SLC17A1: variants seen among roughly 807,000 people sequenced by gnomAD.
SLC17A1 encodes sodium-dependent phosphate transport protein 1.
A neutral mutation model predicts 53.5 loss-of-function variants in SLC17A1; 51 were observed. The ratio of observed to expected loss-of-function variants is 0.95; its 90% CI spans 0.76 to 1.20. The LOEUF (loss-of-function observed/expected upper bound fraction) is 1.20. Ranked by LOEUF, SLC17A1 falls within the 50% of genes most tolerant of loss-of-function variation. The pLI is 0.00. For missense variants in SLC17A1, 538 were observed against 568.2 expected, an observed-to-expected ratio of 0.95 and a Z score of 0.54; for synonymous variants, 179 against 198.8, an observed-to-expected ratio of 0.90 and a Z score of 0.84.
chr6:25,776,998 T>A, the SLC17A1 span: 22 of 1,569,168 alleles, frequency 1.4e-5, no homozygotes, highest in Non-Finnish European at 1.8e-5. Context: ...AGACACTCAA[T>A]TCAAGTCTAG....
the SLC17A1 span, among the ~76,000 whole-genome samples, chr6:25,757,429 G>T: frequency 6.6e-6 from 1 of 152,186 alleles, no homozygotes; most frequent in South Asian, 2.1e-4. Context: ...ATCATTGTCA[G>T]TAGTAATAGA....
At chr6:25,755,040 C>A in the SLC17A1 span, among the ~76,000 whole-genome samples, 2 of 88,434 alleles carry the variant, frequency 2.3e-5, no homozygotes, top group East Asian at 9.2e-4. Context: ...CAGACAGACA[C>A]ACACACATAC....
At chr6:25,724,018 C>T in the SLC17A1 span, among the ~76,000 whole-genome samples, 5 of 152,274 alleles carry the variant, frequency 3.3e-5, no homozygotes, top group East Asian at 9.6e-4. Context: ...ATCTGTAAAA[C>T]ATCGTCAATC....
intron 12 of SLC17A1, among the ~76,000 whole-genome samples, chr6:25,795,162 A>G (rs1393266200): frequency 6.6e-6 from 1 of 152,168 alleles, no homozygotes; most frequent in Non-Finnish European, 1.5e-5. Flanking sequence ...TAATATCTAA[A>G]ATGAGAATTT....
At chr6:25,727,467 C>T in the SLC17A1 span, among the ~76,000 whole-genome samples, 11 of 151,002 alleles carry the variant, frequency 7.3e-5, no homozygotes, top group Non-Finnish European at 1.5e-4. Context: ...TCTCGGCTCA[C>T]TGCAAGCTCT....
the SLC17A1 span, among the ~76,000 whole-genome samples, chr6:25,756,913 G>A: frequency 1.3e-5 from 2 of 152,168 alleles, no homozygotes; most frequent in Admixed American, 1.3e-4. Flanking sequence ...TTTAGTTCTT[G>A]TGACTGATAT....
chr6:25,819,416 A>G (rs1204180043), intron 5 of SLC17A1, 95 bp downstream of exon 5: 1 of 1,028,928 alleles, frequency 9.7e-7, no homozygotes, highest in African/African-American at 1.6e-5. Context: ...AAAGCCCTTG[A>G]CCATTCAAAA....
chr6:25,733,621 A>G, the SLC17A1 span, among the ~76,000 whole-genome samples: 1 of 152,152 alleles, frequency 6.6e-6, no homozygotes, highest in Non-Finnish European at 1.5e-5. Context: ...TAAGGTTTAT[A>G]ACATACACAC....
chr6:25,813,609 G>A (rs1764237271), intron 6 of SLC17A1, among the ~76,000 whole-genome samples: 1 of 152,174 alleles, frequency 6.6e-6, no homozygotes, highest in African/African-American at 2.4e-5. Context: ...GGATACAAGT[G>A]CAGTTTATTT....
At chr6:25,730,753 T>C in the SLC17A1 span, among the ~76,000 whole-genome samples, 18 of 152,360 alleles carry the variant, frequency 1.2e-4, no homozygotes, top group African/African-American at 3.8e-4. Flanking sequence ...TTTTTGTCAA[T>C]TTAAAAAATG....
the SLC17A1 span, chr6:25,731,761 C>A: frequency 6.7e-7 from 1 of 1,503,304 alleles, no homozygotes; most frequent in South Asian, 1.2e-5. Context: ...TTGTGGAGCT[C>A]ATCTGCTGGC....
chr6:25,819,592 C>G lies in SLC17A1; in HGVS notation c.448G>C (p.Val150Leu). ...TATATTTCAAACTGGGCTGTTGCAA[C>G]TATCCCCTGAAATGAGAAAGGTTTG... is the stretch of plus-strand genomic sequence containing the variant. ...RAVQGAAQGI[V>L]ATAQFEIYVK... Residue 150 changes from valine (V) to leucine (L), a missense_variant, in exon 5 of 13, where the codon GTT becomes CTT. Physicochemically the swap from Val to Leu is conservative, Grantham distance 32. Coordinates refer to ENST00000244527, the MANE Select transcript of SLC17A1 (RefSeq NM_005074.5). 1.2e-6 allele frequency: 2 copies of G among 1,614,028 alleles called. No homozygotes were observed. The highest frequency in any genetic ancestry group is 1.7e-6 in the Non-Finnish European group (2 of 1,179,880).
At chr6:25,777,935 C>T, downstream of SLC17A1, 1 of 1,612,914 alleles carries the variant, frequency 6.2e-7, no homozygotes. Context: ...GGTACACTGG[C>T]TTTCTCAAAG....
At position 25,811,708 on chromosome 6, in the gene SLC17A1, C is replaced by G. The variant is rs769122773; in HGVS notation, c.960G>C (p.Gln320His). ...TCCTGGTCAGGAAGAAGTCTGATAA[C>G]TGACCTGCTAGGTTACCACAGATCC... is the stretch of plus-strand genomic sequence containing the variant. ...FAWICGNLAG[Q>H]LSDFFLTRNI... Residue 320 changes from glutamine to histidine, a missense_variant, in exon 9 of 13, where the codon CAG (glutamine) becomes CAC (histidine). Gln to His is a conservative substitution (Grantham distance 24). Coordinates refer to ENST00000244527, the MANE Select transcript of SLC17A1 (RefSeq NM_005074.5). 2 of 1,613,684 alleles carry G rather than the reference C, an allele frequency of 1.2e-6. No homozygotes were observed. The highest frequency in any genetic ancestry group is 2.7e-5 in the African/African-American group (2 of 74,910).
intron 10 of SLC17A1, among the ~76,000 whole-genome samples, chr6:25,807,127 A>G (rs1763984936): frequency 6.6e-6 from 1 of 152,140 alleles, no homozygotes; most frequent in Non-Finnish European, 1.5e-5. Flanking sequence ...GGAGATTTCC[A>G]AAAGAATTGA....
chr6:25,830,674 A>T (rs1160297198), intron 1 of SLC17A1, 67 bp from the exon 2 acceptor site: 1 of 1,026,318 alleles, frequency 9.7e-7, no homozygotes, highest in East Asian at 2.4e-5. Flanking sequence ...ACTACCCAGT[A>T]CTCCTCTCTG....
chr6:25,772,214 C>A, the SLC17A1 span, among the ~76,000 whole-genome samples: 25 of 152,220 alleles, frequency 1.6e-4, no homozygotes, highest in African/African-American at 5.5e-4. Flanking sequence ...TCTTACTGTG[C>A]TTATGGTTTC....
At chr6:25,750,847 T>G in the SLC17A1 span, among the ~76,000 whole-genome samples, 1 of 152,156 alleles carries the variant, frequency 6.6e-6, no homozygotes. Context: ...CCTAGTATTC[T>G]GCCCAGTCTG....
chr6:25,778,069 G>GT (rs60445523), downstream of SLC17A1: 4 of 1,321,380 alleles, frequency 3.0e-6, no homozygotes, highest in South Asian at 5.0e-5. Flanking sequence ...TAGAGGCATG[G>GT]TTTTTTCACA....
Sources: gnomAD v4.1 joint callset for allele counts (sites outside exome capture counted in the v4.1 genomes callset) on GRCh38, gnomAD v4.1.1 for gene constraint, MANE v1.5 for transcripts, NCBI Gene and HGNC (gene_info 2026-07-23, HGNC 2026-07-21) for gene names.